Variants in ASIC2 observed in about 807,000 individuals in gnomAD.
The protein encoded by ASIC2 is acid sensing ion channel subunit 2, also known as acid-sensing ion channel 2.
In ASIC2, 25 loss-of-function variants were observed where a neutral mutation model predicts 57.3. The ratio of observed to expected loss-of-function variants is 0.44; its 90% CI spans 0.32 to 0.61. The LOEUF (loss-of-function observed/expected upper bound fraction) is 0.61. Among genes scored for constraint, ASIC2 ranks in the 20% least tolerant of loss-of-function variants. The pLI is 0.06. For synonymous variants in ASIC2, 319 were observed against 307.5 expected (o/e 1.04, Z -0.39); for missense variants, 641 against 738.1 (o/e 0.87, Z 1.52).
chr17:33,994,885 GA>G (rs1298178726), intron 1 of ASIC2, among the ~76,000 whole-genome samples: 7 of 151,728 alleles, frequency 4.6e-5, no homozygotes, highest in Admixed American at 3.3e-4. Flanking sequence ...GGACAATGCA[GA>G]AAAAAAACGG....
chr17:34,103,638 G>A (rs1198147334), intron 1 of ASIC2, among the ~76,000 whole-genome samples: 2 of 151,982 alleles, frequency 1.3e-5, no homozygotes, highest in Non-Finnish European at 2.9e-5. Context: ...TGTGTGTGGT[G>A]TGAGGTCAGA....
At chr17:33,429,245 C>T (rs1041949687) in intron 1 of ASIC2, among the ~76,000 whole-genome samples, 5 of 152,136 alleles carry the variant, frequency 3.3e-5, no homozygotes, top group Non-Finnish European at 7.3e-5. Flanking sequence ...ATAAAACCCT[C>T]TTCTTGTTCT....
intron 1 of ASIC2, among the ~76,000 whole-genome samples, chr17:33,872,489 G>C (rs1486163103): frequency 6.6e-6 from 1 of 152,148 alleles, no homozygotes; most frequent in Admixed American, 6.5e-5. Context: ...CTCGACAAGA[G>C]AGCTCAGACA....
intron 1 of ASIC2, among the ~76,000 whole-genome samples, chr17:33,384,015 G>C (rs1001778564): frequency 6.6e-6 from 1 of 152,224 alleles, no homozygotes; most frequent in African/African-American, 2.4e-5. Context: ...ATTAAAAGTA[G>C]AGGAACTAGA....
intron 1 of ASIC2, among the ~76,000 whole-genome samples, chr17:33,135,544 C>T (rs2092364040): frequency 6.6e-6 from 1 of 152,236 alleles, no homozygotes; most frequent in South Asian, 2.1e-4. Context: ...GTAGCGAACT[C>T]TCAATCAATG....
At chr17:33,825,006 G>A (rs533020967) in intron 1 of ASIC2, among the ~76,000 whole-genome samples, 4 of 152,250 alleles carry the variant, frequency 2.6e-5, no homozygotes, top group African/African-American at 9.6e-5. Flanking sequence ...ATATACATGT[G>A]CACGTCTCTC....
At chr17:33,554,314 G>A (rs1915839231) in intron 1 of ASIC2, among the ~76,000 whole-genome samples, 1 of 152,108 alleles carries the variant, frequency 6.6e-6, no homozygotes, top group East Asian at 1.9e-4. Flanking sequence ...GGGGAAGGGA[G>A]AGAGATAGTA....
At chr17:33,023,559 A>G (rs1183483255) in intron 6 of ASIC2, among the ~76,000 whole-genome samples, 3 of 151,926 alleles carry the variant, frequency 2.0e-5, no homozygotes, top group African/African-American at 7.3e-5. Flanking sequence ...AGCTGCAGCT[A>G]ACCCATCATT....
chr17:33,174,199 A>G (rs1376886725), intron 1 of ASIC2, among the ~76,000 whole-genome samples: 1 of 152,150 alleles, frequency 6.6e-6, no homozygotes, highest in Non-Finnish European at 1.5e-5. Context: ...AGGCGAGTGG[A>G]TTACTTGAGG....
At chr17:33,644,007 C>A (rs771778000) in intron 1 of ASIC2, among the ~76,000 whole-genome samples, 8 of 152,160 alleles carry the variant, frequency 5.3e-5, no homozygotes, top group Admixed American at 1.3e-4. Context: ...GCCATCACAA[C>A]AAACACTCCT....
chr17:33,738,293 T>C (rs1909987528), intron 1 of ASIC2, among the ~76,000 whole-genome samples: 1 of 152,220 alleles, frequency 6.6e-6, no homozygotes, highest in Non-Finnish European at 1.5e-5. Flanking sequence ...AGAAAGCTGT[T>C]GGATGACTTG....
At chr17:33,369,777 T>C (rs1188441473) in intron 1 of ASIC2, among the ~76,000 whole-genome samples, 2 of 152,186 alleles carry the variant, frequency 1.3e-5, no homozygotes, top group African/African-American at 4.8e-5. Context: ...TTCTTTCCAT[T>C]AGAGCATGAT....
At chr17:33,655,655 C>T (rs906125042) in intron 1 of ASIC2, among the ~76,000 whole-genome samples, 1 of 152,196 alleles carries the variant, frequency 6.6e-6, no homozygotes, top group Non-Finnish European at 1.5e-5. Context: ...CCATCCTGTT[C>T]AGATCTGAGT....
At chr17:33,736,700 C>A (rs1909921874) in intron 1 of ASIC2, among the ~76,000 whole-genome samples, 1 of 152,164 alleles carries the variant, frequency 6.6e-6, no homozygotes, top group Non-Finnish European at 1.5e-5. Flanking sequence ...TTTTTCCTAT[C>A]AATTGTACCC....
At chr17:33,941,875 T>C (rs1398443030) in intron 1 of ASIC2, among the ~76,000 whole-genome samples, 1 of 152,176 alleles carries the variant, frequency 6.6e-6, no homozygotes, top group African/African-American at 2.4e-5. Flanking sequence ...CAGCTTCCAC[T>C]TTAAGCCAGA....
intron 1 of ASIC2, among the ~76,000 whole-genome samples, chr17:33,153,712 T>G (rs562003263): frequency 2.7e-4 from 41 of 152,334 alleles, no homozygotes; most frequent in Non-Finnish European, 5.4e-4. Flanking sequence ...AAGACAGACC[T>G]ATTGCCCTCT....
intron 1 of ASIC2, among the ~76,000 whole-genome samples, chr17:33,283,801 T>A (rs1400935271): frequency 6.6e-6 from 1 of 152,198 alleles, no homozygotes; most frequent in Non-Finnish European, 1.5e-5. Context: ...ACGTACATTA[T>A]CACATCCTAT....
chr17:34,037,895 C>A, intron 1 of ASIC2: 1 of 1,613,790 alleles, frequency 6.2e-7, no homozygotes, highest in Admixed American at 1.7e-5. Flanking sequence ...CTGGTTATGG[C>A]CAAAAGGCTT....
rs114757633 is a variant in ASIC2 at position 33,425,028 on chromosome 17, T to C, written c.556-312961A>G. ...ACCATGTATTAAGTATTAAATAATT[T>C]ACACACATTATTCCACTTAAATTTC... is the stretch of plus-strand genomic sequence containing the variant. On this transcript the variant is annotated intron_variant, in intron 1 of 9. Coordinates refer to the ASIC2 transcript ENST00000359872. Among the ~76,000 whole-genome samples the C allele has an allele frequency of 1.9e-3, 297 of 152,364 alleles. 1 individual carries two copies. The highest frequency in any genetic ancestry group is 6.6e-3 in the African/African-American group (274 of 41,584).
Sources: allele counts gnomAD v4.1 joint callset (sites outside exome capture counted in the v4.1 genomes callset), GRCh38; gene constraint gnomAD v4.1.1; transcripts MANE v1.5; gene names NCBI Gene and HGNC (gene_info 2026-07-23, HGNC 2026-07-21).